CRTC3: variants seen among roughly 807,000 people sequenced by gnomAD.
CRTC3 encodes CREB regulated transcription coactivator 3, also known as CREB-regulated transcription coactivator 3.
In CRTC3, 26 loss-of-function variants were observed where a neutral mutation model predicts 74.5. The observed-to-expected ratio is 0.35, with a 90% confidence interval of 0.26 to 0.48. The LOEUF (loss-of-function observed/expected upper bound fraction) is 0.48, where lower values mean the gene tolerates loss of function less well. CRTC3 is among the 20% of genes least tolerant of loss of function. CRTC3 has a pLI of 0.99. For synonymous variants in CRTC3, 377 were observed against 325.8 expected, an observed-to-expected ratio of 1.16 and a Z score of -1.69; for missense variants, 760 against 787.3, an observed-to-expected ratio of 0.97 and a Z score of 0.41.
At chr15:90,640,930 A>G in intron 13 of CRTC3, 167 bp from the exon 14 acceptor site, 1 of 606,296 alleles carries the variant, frequency 1.6e-6, no homozygotes, top group Non-Finnish European at 3.0e-6. Flanking sequence ...CCTGACAAGA[A>G]TATTGTGCAT....
At chr15:90,548,708 C>T (rs115880547) in intron 2 of CRTC3, among the ~76,000 whole-genome samples, 2,129 of 152,316 alleles carry the variant, frequency 0.014, 45 homozygotes, top group African/African-American at 0.047. Flanking sequence ...GTGCCAGACA[C>T]TGTGTTAAGC....
chr15:90,642,234 C>A lies in CRTC3; in HGVS notation c.*94C>A. Reference sequence around the variant, plus strand: ...AGCTGATACCACGGGCTTTCGTTATCTTGACATAGAAGGAAGCAATGCCAC... The same window carrying A: ...AGCTGATACCACGGGCTTTCGTTATATTGACATAGAAGGAAGCAATGCCAC... On this transcript the variant is annotated 3_prime_UTR_variant, in exon 15 of 15. Transcript: ENST00000268184. 1 of 1,060,604 alleles carries A rather than the reference C, an allele frequency of 9.4e-7. No homozygotes were observed. The highest frequency in any genetic ancestry group is 1.4e-6 in the Non-Finnish European group (1 of 711,466). The allele number at this position is 1,060,604 out of a possible 1,614,324, so 65.7% of individuals were successfully genotyped here. A position where few individuals can be genotyped will look rare whatever the true frequency, so the allele number is the denominator to read the frequency against.
chr15:90,536,893 T>C (rs776211104), intron 1 of CRTC3, among the ~76,000 whole-genome samples: 1 of 152,204 alleles, frequency 6.6e-6, no homozygotes, highest in East Asian at 1.9e-4. Flanking sequence ...TGCAAGAACA[T>C]GGGTTCAGTG....
chr15:90,583,679 C>T (rs1276745611), intron 2 of CRTC3, among the ~76,000 whole-genome samples: 2 of 152,108 alleles, frequency 1.3e-5, no homozygotes, highest in African/African-American at 2.4e-5. Flanking sequence ...AGCTGGGAGC[C>T]TCACAGGAGT....
At chr15:90,593,197 C>T (rs1967841278) in intron 2 of CRTC3, among the ~76,000 whole-genome samples, 3 of 152,122 alleles carry the variant, frequency 2.0e-5, no homozygotes, top group Admixed American at 2.0e-4. Context: ...CCCTAGAATC[C>T]TCAAGTCTGA....
chr15:90,541,063 G>T (rs781559676), intron 2 of CRTC3, among the ~76,000 whole-genome samples: 2 of 152,184 alleles, frequency 1.3e-5, no homozygotes, highest in Non-Finnish European at 2.9e-5. Context: ...TGCTTTCATC[G>T]TTCACATCAG....
At chr15:90,550,406 G>A (rs565822755) in intron 2 of CRTC3, among the ~76,000 whole-genome samples, 12 of 145,356 alleles carry the variant, frequency 8.3e-5, no homozygotes, top group Admixed American at 1.4e-4. Flanking sequence ...GTGAAACTCC[G>A]TCTCAAAAAA....
At chr15:90,638,145 T>TAAAACAAAAC (rs71463752) in intron 11 of CRTC3, 71,462 of 356,424 alleles carry the variant, frequency 0.2, 9,810 homozygotes, top group African/African-American at 0.46. Context: ...GACACGGCTA[T>TAAAACAAAAC]AAAACAAAAC....
intron 2 of CRTC3, among the ~76,000 whole-genome samples, chr15:90,540,449 G>T (rs889994335): frequency 1.3e-5 from 2 of 151,886 alleles, no homozygotes; most frequent in Non-Finnish European, 2.9e-5. Context: ...TCAAAATGCA[G>T]CTTTCTCATC....
chr15:90,557,175 G>A (rs926306138), intron 2 of CRTC3, among the ~76,000 whole-genome samples: 10 of 152,088 alleles, frequency 6.6e-5, no homozygotes, highest in African/African-American at 2.2e-4. Flanking sequence ...CTGGGAGTCT[G>A]AGAACAAACT....
rs527929833 is a variant in CRTC3 at position 90,587,889 on chromosome 15, C to T, written c.232-5747C>T. 2.0e-5 allele frequency among the ~76,000 whole-genome samples: 3 copies of T among 151,818 alleles called. No homozygotes were observed. In the East Asian group the frequency reaches 6.0e-4, roughly 30 times the overall value. On this transcript the variant is annotated intron_variant, in intron 2 of 14. Transcript: ENST00000268184. Reference sequence around the variant, plus strand: ...TCAGCCTCCCAAAGTGCTGGGATTACAGGCCTGAGCCACTATGCCTGGCTC... The same window carrying T: ...TCAGCCTCCCAAAGTGCTGGGATTATAGGCCTGAGCCACTATGCCTGGCTC...
intron 9 of CRTC3, among the ~76,000 whole-genome samples, chr15:90,624,235 C>T (rs964790958): frequency 2.0e-5 from 3 of 152,048 alleles, no homozygotes; most frequent in Admixed American, 1.3e-4. Context: ...CATTCTCCTC[C>T]GCGTCACCCT....
intron 2 of CRTC3, among the ~76,000 whole-genome samples, chr15:90,574,438 A>G (rs374178447): frequency 6.6e-6 from 1 of 152,216 alleles, no homozygotes; most frequent in African/African-American, 2.4e-5. Context: ...AGATCGCGCC[A>G]CTGTACTCTA....
intron 3 of CRTC3, chr15:90,600,261 AC>A (rs1272708610): frequency 3.3e-5 from 5 of 152,228 alleles, no homozygotes; most frequent in Admixed American, 2.0e-4. Flanking sequence ...GACATTTCCC[AC>A]CAAATCACTA....
intron 12 of CRTC3, 31 bp from the exon 13 acceptor site, chr15:90,638,704 A>G: frequency 6.2e-7 from 1 of 1,613,328 alleles, no homozygotes; most frequent in Non-Finnish European, 8.5e-7. Flanking sequence ...CTGAGTTCCA[A>G]GCTAAATGAT....
chr15:90,573,852 C>T (rs1321138453), intron 2 of CRTC3, among the ~76,000 whole-genome samples: 1 of 152,222 alleles, frequency 6.6e-6, no homozygotes, highest in Non-Finnish European at 1.5e-5. Context: ...GTTCACTCCC[C>T]ACAGGTGCAA....
intron 4 of CRTC3, 76 bp downstream of exon 4, chr15:90,602,461 G>A: frequency 1.2e-6 from 1 of 840,342 alleles, no homozygotes; most frequent in Admixed American, 2.1e-5. Flanking sequence ...CACTTTGAAT[G>A]TTGTTTAGAA....
intron 5 of CRTC3, 35 bp from the exon 6 acceptor site, chr15:90,607,343 G>T: frequency 7.7e-7 from 1 of 1,302,710 alleles, no homozygotes; most frequent in Non-Finnish European, 1.1e-6. Flanking sequence ...TAAGGAAAAC[G>T]GATTTTCAGC....
intron 2 of CRTC3, among the ~76,000 whole-genome samples, chr15:90,582,202 C>T (rs899129120): frequency 3.9e-5 from 6 of 152,254 alleles, no homozygotes; most frequent in African/African-American, 1.2e-4. Context: ...GTCTTATTAG[C>T]ATTAAAGTTA....
Sources: allele counts gnomAD v4.1 joint callset (sites outside exome capture counted in the v4.1 genomes callset), GRCh38; gene constraint gnomAD v4.1.1; transcripts MANE v1.5; gene names NCBI Gene and HGNC (gene_info 2026-07-23, HGNC 2026-07-21).